ELAVL2: variants seen among roughly 807,000 people sequenced by gnomAD.
ELAVL2 encodes the protein ELAV like RNA binding protein 2.
A neutral mutation model predicts 34.6 loss-of-function variants in ELAVL2; 4 were observed. The observed-to-expected ratio is 0.12, with a 90% CI of 0.06 to 0.26. The LOEUF is 0.26. Among genes scored for constraint, ELAVL2 ranks in the 10% least tolerant of loss-of-function variants. ELAVL2 has a pLI of 1.00. For missense variants in ELAVL2, 432 were observed against 442.8 expected (o/e 0.98, Z 0.22); for synonymous variants, 193 against 154.8 (o/e 1.25, Z -1.83).
chr9:23,797,580 A>C (rs1324404362), intron 1 of ELAVL2, among the ~76,000 whole-genome samples: 2 of 152,218 alleles, frequency 1.3e-5, no homozygotes, highest in Non-Finnish European at 2.9e-5. Context: ...GAGATTTTTT[A>C]AAGGACACCA....
At chr9:23,801,185 A>G (rs1177582349) in intron 1 of ELAVL2, among the ~76,000 whole-genome samples, 1 of 152,226 alleles carries the variant, frequency 6.6e-6, no homozygotes, top group Non-Finnish European at 1.5e-5. Context: ...ATACTGAAGT[A>G]TGAAATAAAT....
chr9:23,693,690 T>C (rs556348061), intron 5 of ELAVL2, among the ~76,000 whole-genome samples: 2 of 152,300 alleles, frequency 1.3e-5, no homozygotes. Flanking sequence ...GGTTTCTCTC[T>C]ACAAGGGTCA....
At position 23,770,042 on chromosome 9, in the gene ELAVL2, C is replaced by T. The variant is rs116049446; in HGVS notation, c.-15-7793G>A. On this transcript the variant is annotated intron_variant, in intron 1 of 6. Coordinates refer to ENST00000397312, the MANE Select transcript of ELAVL2 (RefSeq NM_004432.5). ...GCTTAAGTTTCATGTTTTGTTCATT[C>T]ATCCATTCAACGAACATCTCCATGC... Among the ~76,000 whole-genome samples, 1,338 of 152,292 alleles carry T rather than the reference C, an allele frequency of 8.8e-3. 17 individuals carry two copies. The highest frequency in any genetic ancestry group is 0.029 in the African/African-American group (1,225 of 41,556).
intron 3 of ELAVL2, among the ~76,000 whole-genome samples, chr9:23,716,641 G>A (rs748578691): frequency 1.8e-4 from 27 of 152,140 alleles, no homozygotes; most frequent in Non-Finnish European, 3.2e-4. Context: ...TCTGCAAGCT[G>A]CTCTCCAAAG....
intron 1 of ELAVL2, among the ~76,000 whole-genome samples, chr9:23,814,208 C>A (rs1588761374): frequency 6.6e-6 from 1 of 152,138 alleles, no homozygotes; most frequent in Admixed American, 6.5e-5. Context: ...TCCACTGATA[C>A]CAACTGCTCC....
chr9:23,698,539 C>T (rs946518653), intron 5 of ELAVL2, among the ~76,000 whole-genome samples: 20 of 152,086 alleles, frequency 1.3e-4, no homozygotes, highest in Non-Finnish European at 1.5e-5. Flanking sequence ...CTCTCAACTC[C>T]CAAGGTACTA....
chr9:23,736,420 A>T (rs776070112), intron 2 of ELAVL2, among the ~76,000 whole-genome samples: 10 of 152,310 alleles, frequency 6.6e-5, no homozygotes, highest in Non-Finnish European at 1.3e-4. Flanking sequence ...ACAGGAACAC[A>T]TTCTACAGGG....
intron 2 of ELAVL2, among the ~76,000 whole-genome samples, chr9:23,744,666 C>CAT (rs1461081076): frequency 1.3e-5 from 2 of 151,774 alleles, no homozygotes; most frequent in African/African-American, 4.8e-5. Flanking sequence ...AGCAAGAAAA[C>CAT]ATATATATAC....
intron 2 of ELAVL2, among the ~76,000 whole-genome samples, chr9:23,738,959 A>T (rs1448260444): frequency 2.0e-5 from 3 of 152,150 alleles, no homozygotes; most frequent in Non-Finnish European, 4.4e-5. Context: ...ACCCTGCTTA[A>T]GTTGGCGATA....
chr9:23,697,077 T>C (rs2035527577), intron 5 of ELAVL2, among the ~76,000 whole-genome samples: 2 of 152,086 alleles, frequency 1.3e-5, no homozygotes, highest in Non-Finnish European at 2.9e-5. Flanking sequence ...AGTGGCACTC[T>C]CTCCTGCTCT....
At chr9:23,821,483 G>C (rs1168150731) in intron 1 of ELAVL2, 1 of 152,170 alleles carries the variant, frequency 6.6e-6, no homozygotes, top group Non-Finnish European at 1.5e-5. Flanking sequence ...TTCGGACTAG[G>C]GCGCACCACC....
intron 1 of ELAVL2, among the ~76,000 whole-genome samples, chr9:23,786,802 A>AAAAAAAAAAAAAAC (rs1554747169): frequency 3.9e-5 from 5 of 127,338 alleles, no homozygotes; most frequent in Admixed American, 8.1e-5. Context: ...AAAAAAAAAA[A>AAAAAAAAAAAAAAC]AGAGAGAGAG....
At chr9:23,749,079 G>A (rs2051241945) in intron 2 of ELAVL2, among the ~76,000 whole-genome samples, 1 of 152,068 alleles carries the variant, frequency 6.6e-6, no homozygotes, top group Non-Finnish European at 1.5e-5. Flanking sequence ...GCATAATACT[G>A]TGAATGTGCT....
intron 1 of ELAVL2, among the ~76,000 whole-genome samples, chr9:23,770,189 A>G (rs2057055791): frequency 6.6e-6 from 1 of 152,192 alleles, no homozygotes; most frequent in South Asian, 2.1e-4. Flanking sequence ...AGAAAACAGT[A>G]CATCAGCAAT....
At chr9:23,749,968 C>T (rs2051482224) in intron 2 of ELAVL2, among the ~76,000 whole-genome samples, 1 of 151,500 alleles carries the variant, frequency 6.6e-6, no homozygotes, top group South Asian at 2.1e-4. Context: ...ATTTAATAAA[C>T]CCAGTCTCAA....
chr9:23,784,160 G>A (rs1450789601), intron 1 of ELAVL2, among the ~76,000 whole-genome samples: 3 of 151,320 alleles, frequency 2.0e-5, no homozygotes, highest in African/African-American at 7.3e-5. Context: ...ATTGCGCCAC[G>A]ACACTCCAGC....
intron 3 of ELAVL2, among the ~76,000 whole-genome samples, chr9:23,711,985 T>C (rs1376518912): frequency 6.6e-6 from 1 of 152,194 alleles, no homozygotes; most frequent in Non-Finnish European, 1.5e-5. Context: ...ATTCTATTAA[T>C]CATTTCAAAA....
chr9:23,773,659 G>A (rs1035429710), intron 1 of ELAVL2, among the ~76,000 whole-genome samples: 1 of 152,114 alleles, frequency 6.6e-6, no homozygotes, highest in African/African-American at 2.4e-5. Context: ...GAGCACATAC[G>A]CAATTACAGG....
At chr9:23,804,543 C>A (rs906140801) in intron 1 of ELAVL2, among the ~76,000 whole-genome samples, 8 of 152,108 alleles carry the variant, frequency 5.3e-5, no homozygotes, top group Admixed American at 6.5e-5. Flanking sequence ...GATGAACATT[C>A]CAAGGTTTTG....
Sources: allele counts gnomAD v4.1 joint callset (sites outside exome capture counted in the v4.1 genomes callset), GRCh38; gene constraint gnomAD v4.1.1; transcripts MANE v1.5; gene names NCBI Gene and HGNC (gene_info 2026-07-23, HGNC 2026-07-21).